Variants in SP100 observed in about 807,000 individuals in gnomAD.
SP100 encodes the protein SP100 nuclear body protein, also known as nuclear autoantigen Sp-100.
A neutral mutation model predicts 130.0 loss-of-function variants in SP100; 84 were observed. The observed-to-expected ratio is 0.65, with a 90% CI of 0.54 to 0.77. SP100 has a LOEUF of 0.77. SP100 is among the 30% of genes least tolerant of loss of function. The pLI, the probability that SP100 is intolerant of heterozygous loss-of-function variation, is 0.00. For missense variants in SP100, 978 were observed against 1,052.2 expected (o/e 0.93, Z 0.97); for synonymous variants, 331 against 351.7 (o/e 0.94, Z 0.66).
At chr2:230,428,592 G>A (rs926635245) in intron 2 of SP100, among the ~76,000 whole-genome samples, 13 of 152,038 alleles carry the variant, frequency 8.6e-5, no homozygotes, top group South Asian at 2.1e-4. Flanking sequence ...ACAGGCGCCC[G>A]CCACCACACC....
At chr2:230,503,736 G>A (rs2150067599) in intron 20 of SP100, among the ~76,000 whole-genome samples, 1 of 152,344 alleles carries the variant, frequency 6.6e-6, no homozygotes, top group Middle Eastern at 3.4e-3. Context: ...CAAAGAGGGA[G>A]ACAGATGCCA....
chr2:230,426,320 T>C (rs1327573540), intron 2 of SP100, among the ~76,000 whole-genome samples: 2 of 152,194 alleles, frequency 1.3e-5, no homozygotes, highest in Non-Finnish European at 2.9e-5. Flanking sequence ...CTTCATCAAC[T>C]GTAAAGCTAA....
chr2:230,520,852 T>C lies in SP100; in HGVS notation c.2094+9686T>C, dbSNP rs533764311. Among the ~76,000 whole-genome samples the C allele has an allele frequency of 3.9e-5, 6 of 152,318 alleles. No homozygotes were observed. The South Asian group carries it at 1.0e-3, about 26-fold the overall frequency. ...TTCACACCAGAATTGTCCTTTCTTA[T>C]TGGAGGATACAATAGAGAGGTTACA... is the stretch of plus-strand genomic sequence containing the variant. On this transcript the variant is annotated intron_variant, in intron 24 of 28. Transcript: ENST00000340126.
chr2:230,461,005 A>T (rs559642538), intron 8 of SP100, among the ~76,000 whole-genome samples: 11 of 83,338 alleles, frequency 1.3e-4, no homozygotes, highest in Non-Finnish European at 2.5e-4. Context: ...TTATACTGCA[A>T]TTATAATTTT....
At chr2:230,527,497 C>T (rs764674911) in intron 24 of SP100, among the ~76,000 whole-genome samples, 13 of 152,162 alleles carry the variant, frequency 8.5e-5, no homozygotes, top group Non-Finnish European at 1.6e-4. Flanking sequence ...ACCATCGATG[C>T]TATGAAGAAA....
rs1692273631 is a variant in SP100, at chr2:230,545,143, T to C, written c.*2197T>C. 6.6e-6 allele frequency among the ~76,000 whole-genome samples: 1 copy of C among 152,218 alleles called. No homozygotes were observed. The highest frequency in any genetic ancestry group is 2.1e-4 in the South Asian group (1 of 4,834). On this transcript the variant is annotated 3_prime_UTR_variant, in exon 29 of 29. Coordinates refer to ENST00000340126, the MANE Select transcript of SP100 (RefSeq NM_001080391.2). ...AAGACACATGCATGCAAATGTCCAC[T>C]GCAGCACTATTCACAATAGCAAAGA...
At chr2:230,537,824 G>A (rs577950313) in intron 24 of SP100, 3 of 152,332 alleles carry the variant, frequency 2.0e-5, no homozygotes, top group Admixed American at 2.0e-4. Flanking sequence ...AGTCACTGTA[G>A]TGCAATACAG....
intron 2 of SP100, among the ~76,000 whole-genome samples, chr2:230,418,343 T>C (rs889489016): frequency 1.3e-5 from 2 of 152,242 alleles, no homozygotes; most frequent in African/African-American, 4.8e-5. Context: ...AATTGGTTTC[T>C]GTACGCCTGC....
intron 24 of SP100, among the ~76,000 whole-genome samples, chr2:230,521,663 G>GTGTTTCAACAACACCTTTTC (rs1355484320): frequency 1.3e-5 from 2 of 152,082 alleles, no homozygotes; most frequent in Non-Finnish European, 2.9e-5. Flanking sequence ...CTAGATCAGG[G>GTGTTTCAACAACACCTTTTC]TGTTTCAACA....
At position 230,449,242 on chromosome 2, in the gene SP100, C is replaced by G. The variant is rs2063848423; in HGVS notation, c.586+92C>G. 4 of 1,296,410 alleles carry G rather than the reference C, an allele frequency of 3.1e-6. 1 individual carries two copies. The South Asian group carries it at 4.7e-5, about 15-fold the overall frequency. The allele number at this position is 1,296,410 out of a possible 1,614,324, so 80.3% of individuals were successfully genotyped here. The stretch of plus-strand genomic sequence containing the variant: ...GTTGCCTCTTTGTGTTAATGATTGT[C>G]CAGAATTTTCAGGTTTTACATCTAC... On this transcript the variant is annotated intron_variant, in intron 6 of 28. Transcript: ENST00000340126.
At chr2:230,427,999 G>A (rs2149871145) in intron 2 of SP100, among the ~76,000 whole-genome samples, 1 of 152,328 alleles carries the variant, frequency 6.6e-6, no homozygotes, top group South Asian at 2.1e-4. Context: ...GAGAGGCCGA[G>A]GTGGGTGGAT....
Position 230,544,347 on chromosome 2 carries a change from CAG to C in SP100, c.*1403_*1404del. Among the ~76,000 whole-genome samples the C allele has an allele frequency of 6.6e-6, 1 of 152,296 alleles. No individual in the cohort carries two copies. The highest frequency in any genetic ancestry group is 1.9e-4 in the East Asian group (1 of 5,190). The stretch of plus-strand genomic sequence containing the variant: ...CAAAAGAAACAATCAACAGAGTAAA[CAG>C]ACAACCTACAAAATGGGAGAAAATA... On this transcript the variant is annotated 3_prime_UTR_variant, in exon 29 of 29. Transcript: ENST00000340126.
At chr2:230,524,746 G>A (rs1420728454) in intron 24 of SP100, among the ~76,000 whole-genome samples, 1 of 152,158 alleles carries the variant, frequency 6.6e-6, no homozygotes, top group East Asian at 1.9e-4. Context: ...GGGGAAACAT[G>A]TTTCTAAAAA....
intron 8 of SP100, among the ~76,000 whole-genome samples, 153 bp downstream of exon 8, chr2:230,450,408 T>G (rs1478876447): frequency 1.3e-5 from 2 of 152,234 alleles, no homozygotes; most frequent in African/African-American, 4.8e-5. Flanking sequence ...ACATGTTGTT[T>G]TGAAATATGT....
chr2:230,476,771 T>A (rs1034620439), intron 17 of SP100, among the ~76,000 whole-genome samples: 1 of 152,194 alleles, frequency 6.6e-6, no homozygotes, highest in Non-Finnish European at 1.5e-5. Flanking sequence ...ATTTTTAGTG[T>A]CGTCAGGAAT....
At chr2:230,511,637 C>G (rs796586759) in intron 24 of SP100, among the ~76,000 whole-genome samples, 7 of 143,786 alleles carry the variant, frequency 4.9e-5, no homozygotes, top group African/African-American at 1.7e-4. Context: ...GGTATGGACT[C>G]TGTCATTAGT....
intron 23 of SP100, chr2:230,510,603 C>CCG: frequency 7.8e-6 from 1 of 127,892 alleles, no homozygotes; most frequent in Middle Eastern, 4.1e-3. Flanking sequence ...CTCCACCCCC[C>CCG]GGGTTCAAGC....
At chr2:230,541,059 T>C (rs998789112) in intron 26 of SP100, 63 bp downstream of exon 26, 1 of 1,555,276 alleles carries the variant, frequency 6.4e-7, no homozygotes, top group African/African-American at 1.4e-5. Flanking sequence ...AGAAGCACAG[T>C]CTTACAAAGT....
intron 23 of SP100, chr2:230,509,235 CAAGGCTGGGTAT>C (rs1199981335): frequency 6.6e-6 from 1 of 152,080 alleles, no homozygotes; most frequent in Non-Finnish European, 1.5e-5. Context: ...ATGGCCTCTC[CAAGGCTGGGTAT>C]AAGAGAGAAC....
Sources: allele counts gnomAD v4.1 joint callset (sites outside exome capture counted in the v4.1 genomes callset), GRCh38; gene constraint gnomAD v4.1.1; transcripts MANE v1.5; gene names NCBI Gene and HGNC (gene_info 2026-07-23, HGNC 2026-07-21).